The following CDC25A variants were observed in gnomAD, a reference collection of about 807,000 sequenced individuals.
The protein encoded by CDC25A is M-phase inducer phosphatase 1.
In CDC25A, 17 loss-of-function variants were observed where a neutral mutation model predicts 64.6. That is an observed-to-expected ratio of 0.26 (90% CI 0.18 to 0.39). The LOEUF is 0.39. Among genes scored for constraint, CDC25A ranks in the 10% least tolerant of loss-of-function variants. The pLI is 1.00. For synonymous variants in CDC25A, 229 were observed against 238.6 expected (o/e 0.96, Z 0.37); for missense variants, 473 against 654.8 (o/e 0.72, Z 3.03).
In CDC25A at chr3:48,187,862, G is replaced by A. The variant is rs972974061; in HGVS notation, c.86C>T (p.Ala29Val). 4.5e-6 allele frequency: 7 copies of A among 1,548,558 alleles called. No homozygotes were observed. Residue 29 changes from alanine (A) to valine (V), a missense_variant, in exon 1 of 15, where the codon GCG becomes GTG. Coordinates refer to ENST00000302506, the MANE Select transcript of CDC25A (RefSeq NM_001789.3). ...PPPASQPVVK[A>V]LFGASAAGGL... ...CCCGGCGGCTGAAGCGCCAAATAGC[G>A]CCTTCACGACGGGCTGCGACGCGGG...
chr3:48,173,620 C>T (rs3731523), intron 9 of CDC25A, among the ~76,000 whole-genome samples: 1,984 of 152,316 alleles, frequency 0.013, 20 homozygotes, highest in Non-Finnish European at 0.02. Flanking sequence ...CCAGTCACCA[C>T]CCCACGGGGA....
chr3:48,179,780 C>T (rs894425051), intron 6 of CDC25A, among the ~76,000 whole-genome samples: 4 of 152,192 alleles, frequency 2.6e-5, no homozygotes, highest in African/African-American at 9.7e-5. Flanking sequence ...CTTCACAAGA[C>T]AAGAACATAT....
chr3:48,183,070 T>C (rs1223650175), intron 4 of CDC25A, 40 bp from the exon 5 acceptor site: 3 of 1,431,786 alleles, frequency 2.1e-6, no homozygotes, highest in Admixed American at 1.7e-5. Context: ...GGCACACAAA[T>C]AAAATTTCAG....
chr3:48,181,528 C>T (rs879029558), intron 5 of CDC25A: 45 of 1,362,590 alleles, frequency 3.3e-5, no homozygotes, highest in Admixed American at 7.2e-5. Context: ...GGGTCGCGGT[C>T]GGCACTGAGG....
At position 48,166,524 on chromosome 3, in the gene CDC25A, C is replaced by T. The variant is rs373398113; in HGVS notation, c.1030-631G>A. ...AATCCACACGTCAGTAGTTAGACTG[C>T]GAATAGCACTTAAACATACAGATTT... On this transcript the variant is annotated intron_variant, in intron 10 of 14. Transcript: ENST00000302506. 3.6e-4 allele frequency among the ~76,000 whole-genome samples: 55 copies of T among 152,296 alleles called. 1 individual carries two copies. Among genetic ancestry groups the T allele is most frequent in the Admixed American group, 1.6e-3 (25 of 15,290 alleles).
At chr3:48,175,048 C>T (rs775449480) in intron 8 of CDC25A, among the ~76,000 whole-genome samples, 9 of 152,046 alleles carry the variant, frequency 5.9e-5, no homozygotes, top group Non-Finnish European at 8.8e-5. Context: ...CGGTGGCTCA[C>T]GCCTGTAATC....
intron 6 of CDC25A, among the ~76,000 whole-genome samples, chr3:48,178,897 T>A (rs1197522234): frequency 2.0e-5 from 3 of 152,250 alleles, no homozygotes; most frequent in Non-Finnish European, 4.4e-5. Flanking sequence ...TTCTAGGCAC[T>A]TTCAAATCCA....
chr3:48,165,269 C>T (rs1333498463), intron 12 of CDC25A, among the ~76,000 whole-genome samples: 6 of 152,070 alleles, frequency 3.9e-5, no homozygotes, highest in African/African-American at 1.4e-4. Flanking sequence ...CAGAGATGGT[C>T]TTCTCCTCAT....
At chr3:48,166,391 G>T (rs2032019342) in intron 10 of CDC25A, among the ~76,000 whole-genome samples, 1 of 152,152 alleles carries the variant, frequency 6.6e-6, no homozygotes, top group Admixed American at 6.5e-5. Context: ...AAACCAATGA[G>T]GTATATTATC....
intron 1 of CDC25A, among the ~76,000 whole-genome samples, chr3:48,187,346 G>A (rs894306195): frequency 6.6e-6 from 1 of 152,250 alleles, no homozygotes; most frequent in Non-Finnish European, 1.5e-5. Context: ...CGCCAGGAAA[G>A]AAAATGCCAT....
At chr3:48,187,199 T>C (rs1316344182) in intron 1 of CDC25A, among the ~76,000 whole-genome samples, 1 of 152,086 alleles carries the variant, frequency 6.6e-6, no homozygotes, top group African/African-American at 2.4e-5. Flanking sequence ...GGAAACACCG[T>C]GGGATGCATT....
At chr3:48,179,565 A>C (rs1461836514) in intron 6 of CDC25A, among the ~76,000 whole-genome samples, 3 of 152,046 alleles carry the variant, frequency 2.0e-5, no homozygotes, top group Non-Finnish European at 4.4e-5. Flanking sequence ...ATAGGGTCTC[A>C]CTATGTTACC....
At chr3:48,181,829 T>C (rs1157865115) in intron 5 of CDC25A, 1 of 604,870 alleles carries the variant, frequency 1.7e-6, no homozygotes, top group Non-Finnish European at 2.9e-6. Flanking sequence ...AATATTACAG[T>C]GATTTCTATG....
chr3:48,169,513 T>C (rs2106713860), intron 9 of CDC25A, among the ~76,000 whole-genome samples: 1 of 152,286 alleles, frequency 6.6e-6, no homozygotes, highest in African/African-American at 2.4e-5. Flanking sequence ...GCAGGACAAA[T>C]GACTTGAGCT....
chr3:48,166,050 C>T (rs548614906), intron 10 of CDC25A, among the ~76,000 whole-genome samples, 157 bp from the exon 11 acceptor site: 183 of 152,146 alleles, frequency 1.2e-3, no homozygotes, highest in Non-Finnish European at 1.1e-3. Flanking sequence ...TTTGGGAGGC[C>T]GAGGCTAGTG....
At chr3:48,176,017 A>T (rs938067599) in intron 8 of CDC25A, among the ~76,000 whole-genome samples, 6 of 152,084 alleles carry the variant, frequency 3.9e-5, no homozygotes, top group Non-Finnish European at 4.4e-5. Flanking sequence ...ATACCAAAAA[A>T]ATTAGCCGGG....
At chr3:48,160,480 G>A (rs2031709469) in intron 13 of CDC25A, among the ~76,000 whole-genome samples, 1 of 149,504 alleles carries the variant, frequency 6.7e-6, no homozygotes, top group Non-Finnish European at 1.5e-5. Context: ...GCGCGATCTC[G>A]GCTCACTGCA....
At chr3:48,183,968 G>T in intron 3 of CDC25A, 132 bp from the exon 4 acceptor site, 1 of 550,220 alleles carries the variant, frequency 1.8e-6, no homozygotes. Context: ...AGAGATGGGA[G>T]AATAAATTTC....
At chr3:48,181,749 T>C in intron 5 of CDC25A, 1 of 729,552 alleles carries the variant, frequency 1.4e-6, no homozygotes, top group South Asian at 1.5e-5. Flanking sequence ...TTATAGAATG[T>C]TCACATTTTA....
Sources: allele counts gnomAD v4.1 joint callset (sites outside exome capture counted in the v4.1 genomes callset), GRCh38; gene constraint gnomAD v4.1.1; transcripts MANE v1.5; gene names NCBI Gene and HGNC (gene_info 2026-07-23, HGNC 2026-07-21).